The following CLYBL variants were observed in gnomAD, a reference collection of about 807,000 sequenced individuals.
The protein encoded by CLYBL is citramalyl-CoA lyase, mitochondrial.
CLYBL carries 31 observed loss-of-function variants against 38.9 expected under a neutral mutation model. The ratio of observed to expected loss-of-function variants is 0.80; its 90% CI spans 0.60 to 1.08. The LOEUF (loss-of-function observed/expected upper bound fraction) is 1.08. CLYBL is among the 50% of genes least tolerant of loss of function. CLYBL has a pLI of 0.00. For missense variants in CLYBL, 434 were observed against 411.6 expected, an observed-to-expected ratio of 1.05 and a Z score of -0.47; for synonymous variants, 171 against 158.6, an observed-to-expected ratio of 1.08 and a Z score of -0.59.
intron 2 of CLYBL, among the ~76,000 whole-genome samples, chr13:99,781,542 C>G (rs539623329): frequency 6.6e-6 from 1 of 152,270 alleles, no homozygotes; most frequent in Admixed American, 6.5e-5. Flanking sequence ...GTGGCATGAT[C>G]TGGGCTCACT....
intron 2 of CLYBL, among the ~76,000 whole-genome samples, chr13:99,854,580 G>A (rs1011539908): frequency 2.0e-5 from 3 of 152,022 alleles, no homozygotes; most frequent in East Asian, 1.9e-4. Flanking sequence ...GCCCTGCCGC[G>A]AGGGACCACC....
At chr13:99,729,261 G>A (rs1363365019) in intron 1 of CLYBL, among the ~76,000 whole-genome samples, 1 of 152,258 alleles carries the variant, frequency 6.6e-6, no homozygotes, top group Non-Finnish European at 1.5e-5. Flanking sequence ...ACCAACAGAT[G>A]TACTTGGCCA....
At chr13:99,899,725 G>A (rs2052620272), downstream of CLYBL, among the ~76,000 whole-genome samples, 2 of 152,022 alleles carry the variant, frequency 1.3e-5, no homozygotes, top group Admixed American at 1.3e-4. Context: ...AAAATAAAGA[G>A]GAAAAACTAA....
chr13:99,648,150 G>A (rs1176202712), intron 1 of CLYBL, among the ~76,000 whole-genome samples: 2 of 152,136 alleles, frequency 1.3e-5, no homozygotes, highest in African/African-American at 4.8e-5. Context: ...GTATGTTCGG[G>A]GGGGAAAAAT....
chr13:99,759,657 C>T (rs2049129246), intron 1 of CLYBL, among the ~76,000 whole-genome samples: 1 of 152,140 alleles, frequency 6.6e-6, no homozygotes, highest in African/African-American at 2.4e-5. Flanking sequence ...CAACCAGCAG[C>T]ACCCATGGGT....
intron 2 of CLYBL, among the ~76,000 whole-genome samples, chr13:99,794,581 T>TTTA (rs1221444900): frequency 8.3e-4 from 120 of 143,848 alleles, no homozygotes; most frequent in Admixed American, 2.5e-3. Context: ...TATATTTTCA[T>TTTA]TTATTATTAT....
chr13:99,768,590 C>T (rs1260250601), intron 1 of CLYBL, among the ~76,000 whole-genome samples: 1 of 148,170 alleles, frequency 6.7e-6, no homozygotes, highest in African/African-American at 2.5e-5. Flanking sequence ...CAGCTCACTG[C>T]AACCTCCGCC....
chr13:99,697,661 C>CTTT (rs1345788134), intron 1 of CLYBL, among the ~76,000 whole-genome samples: 1 of 135,636 alleles, frequency 7.4e-6, no homozygotes, highest in Non-Finnish European at 1.6e-5. Context: ...TTCTTTCTTT[C>CTTT]TTTTTTTTTT....
In CLYBL at chr13:99,822,548, G is replaced by A. The variant is rs558458791; in HGVS notation, c.250-36313G>A. Among the ~76,000 whole-genome samples, 64 of 152,334 alleles carry A rather than the reference G, an allele frequency of 4.2e-4. 2 individuals carry two copies. The highest frequency in any genetic ancestry group is 1.5e-3 in the African/African-American group (61 of 41,568). ...AACACAATCACGGGTCACCCCAGCA[G>A]ACCTTAGCGAGTCTAGCCATTTCTT... On this transcript the variant is annotated intron_variant, in intron 2 of 8. Coordinates refer to ENST00000339105, the MANE Select transcript of CLYBL (RefSeq NM_206808.5).
intron 2 of CLYBL, among the ~76,000 whole-genome samples, chr13:99,839,584 C>CGT (rs147901850): frequency 0.054 from 8,148 of 151,888 alleles, 276 homozygotes; most frequent in East Asian, 0.17. Flanking sequence ...AATAATGCTT[C>CGT]GTGTGTGTGT....
At position 99,865,517 on chromosome 13, in the gene CLYBL, C is replaced by T. The variant is rs745770507; in HGVS notation, c.634+606C>T. ...ACCGTGAAGCATTTAGAAAAGAGGC[C>T]GAGGCCACAGAAACCAGCCCCAGTG... is the stretch of plus-strand genomic sequence containing the variant. On this transcript the variant is annotated intron_variant, in intron 5 of 8. Transcript: ENST00000339105. The surrounding 1 kb of genome is among the most constrained non-coding windows in gnomAD (Gnocchi z 4.7). 1.6e-4 allele frequency among the ~76,000 whole-genome samples: 24 copies of T among 152,068 alleles called. No individual in the cohort carries two copies. The highest frequency in any genetic ancestry group is 3.9e-4 in the Admixed American group (6 of 15,262).
intron 1 of CLYBL, among the ~76,000 whole-genome samples, chr13:99,753,770 G>C (rs1399316828): frequency 6.6e-6 from 1 of 152,104 alleles, no homozygotes; most frequent in African/African-American, 2.4e-5. Context: ...GTCAAGTCTG[G>C]ACTGCTACTT....
At chr13:99,703,611 G>A (rs966364685) in intron 1 of CLYBL, among the ~76,000 whole-genome samples, 6 of 152,022 alleles carry the variant, frequency 3.9e-5, no homozygotes, top group East Asian at 3.9e-4. Context: ...CTCGTGATCC[G>A]CCCACCTTGG....
intron 4 of CLYBL, among the ~76,000 whole-genome samples, chr13:99,863,815 C>T (rs572056113): frequency 3.3e-5 from 5 of 152,260 alleles, no homozygotes; most frequent in South Asian, 4.2e-4. Context: ...TCCTAGATTC[C>T]CTTCCCCCAC....
intron 2 of CLYBL, among the ~76,000 whole-genome samples, chr13:99,813,853 A>G (rs2050390093): frequency 6.6e-6 from 1 of 152,174 alleles, no homozygotes; most frequent in Non-Finnish European, 1.5e-5. Context: ...TGAGAATCAC[A>G]TCATAGCCCA....
intron 1 of CLYBL, among the ~76,000 whole-genome samples, chr13:99,741,541 G>GT (rs2048755156): frequency 6.6e-6 from 1 of 151,892 alleles, no homozygotes; most frequent in African/African-American, 2.4e-5. Context: ...TTGAGCATAT[G>GT]TATCTTTTTT....
chr13:99,817,297 G>A (rs796898538), intron 2 of CLYBL, among the ~76,000 whole-genome samples: 8 of 152,086 alleles, frequency 5.3e-5, no homozygotes, highest in African/African-American at 1.9e-4. Context: ...GACGAGAGGA[G>A]AGGAGACGAA....
intron 1 of CLYBL, among the ~76,000 whole-genome samples, chr13:99,695,248 A>G (rs1015825921): frequency 6.6e-6 from 1 of 152,186 alleles, no homozygotes; most frequent in Non-Finnish European, 1.5e-5. Context: ...TTTTATAAGT[A>G]GGAAAAGATT....
chr13:99,816,366 C>T (rs1156779031), intron 2 of CLYBL, among the ~76,000 whole-genome samples: 1 of 152,246 alleles, frequency 6.6e-6, no homozygotes, highest in African/African-American at 2.4e-5. Flanking sequence ...GATGTTTTTG[C>T]TTGAAACTGG....
Sources: gnomAD v4.1 joint callset for allele counts (sites outside exome capture counted in the v4.1 genomes callset) on GRCh38, gnomAD v4.1.1 for gene constraint, Gnocchi (gnomAD v3.1) non-coding constraint, MANE v1.5 for transcripts, NCBI Gene and HGNC (gene_info 2026-07-23, HGNC 2026-07-21) for gene names.